The following MFSD11 variants were observed in gnomAD, a reference collection of about 807,000 sequenced individuals.
MFSD11 encodes UNC93-like protein MFSD11.
In MFSD11, 36 loss-of-function variants were observed where a neutral mutation model predicts 53.5. The ratio of observed to expected loss-of-function variants is 0.67; its 90% CI spans 0.52 to 0.89. The LOEUF (loss-of-function observed/expected upper bound fraction) is 0.89, where lower values mean the gene tolerates loss of function less well. Among genes scored for constraint, MFSD11 ranks in the 40% least tolerant of loss-of-function variants. The probability of loss-of-function intolerance (pLI) is 0.00; values close to 1 mark genes in which losing one functional copy is unlikely to be tolerated. For synonymous variants in MFSD11, 186 were observed against 184.9 expected (o/e 1.01, Z -0.05); for missense variants, 530 against 543.9 (o/e 0.97, Z 0.25).
rs908730168 is a variant in MFSD11, at chr17:76,776,042, G to C, written c.1050-364G>C. 6.6e-6 allele frequency among the ~76,000 whole-genome samples: 1 copy of C among 152,166 alleles called. No individual in the cohort carries two copies. Among genetic ancestry groups the C allele is most frequent in the Non-Finnish European group, 1.5e-5 (1 of 68,034 alleles). ...TGCCAGCCTAGAATGCAAGTGGCGT[G>C]ATCTCCGCTCACTGCAACCTCCACC... On this transcript the variant is annotated intron_variant, in intron 11 of 12. Coordinates refer to ENST00000685175, the MANE Select transcript of MFSD11 (RefSeq NM_001242532.5). The surrounding 1 kb of genome is among the most constrained non-coding windows in gnomAD (Gnocchi z 4.2).
At chr17:76,758,797 G>T (rs984117696) in intron 8 of MFSD11, among the ~76,000 whole-genome samples, 2 of 151,898 alleles carry the variant, frequency 1.3e-5, no homozygotes, top group Non-Finnish European at 2.9e-5. Context: ...AAGTATAATT[G>T]ACCCTTGAAC....
chr17:76,758,766 T>C (rs935837938), intron 8 of MFSD11, among the ~76,000 whole-genome samples: 7 of 151,928 alleles, frequency 4.6e-5, no homozygotes, highest in Non-Finnish European at 1.0e-4. Flanking sequence ...TTTACAAATA[T>C]GGAAAAAATT....
intron 7 of MFSD11, among the ~76,000 whole-genome samples, chr17:76,750,835 G>A (rs2078995349): frequency 6.9e-6 from 1 of 144,324 alleles, no homozygotes; most frequent in Admixed American, 7.0e-5. Flanking sequence ...ACGGAGTCTC[G>A]CTCTCTCACC....
At chr17:76,766,458 A>C (rs2080867828) in intron 8 of MFSD11, among the ~76,000 whole-genome samples, 1 of 151,892 alleles carries the variant, frequency 6.6e-6, no homozygotes. Flanking sequence ...AAATAAATAA[A>C]TAAAATAAAA....
the MFSD11 span, among the ~76,000 whole-genome samples, chr17:76,803,306 C>T: frequency 2.0e-5 from 3 of 152,178 alleles, no homozygotes; most frequent in Non-Finnish European, 4.4e-5. Flanking sequence ...CTTATTCATT[C>T]CTGGGCACAG....
intron 8 of MFSD11, among the ~76,000 whole-genome samples, chr17:76,761,689 G>A (rs1027756410): frequency 2.0e-5 from 3 of 151,804 alleles, no homozygotes; most frequent in Non-Finnish European, 4.4e-5. Flanking sequence ...TTGGGAGGCC[G>A]AGGCGGGCGG....
At chr17:76,745,277 A>G (rs139034405) in intron 7 of MFSD11, 1 of 152,264 alleles carries the variant, frequency 6.6e-6, no homozygotes, top group African/African-American at 2.4e-5. Flanking sequence ...GTCCAGTCAT[A>G]GGAGCATTAG....
At chr17:76,775,193 T>TA (rs1277630551) in intron 11 of MFSD11, 22 bp downstream of exon 11, 8 of 1,610,736 alleles carry the variant, frequency 5.0e-6, no homozygotes, top group Admixed American at 1.7e-5. Flanking sequence ...GTCATTTCTC[T>TA]AGTCGCTTGA....
downstream of MFSD11, among the ~76,000 whole-genome samples, chr17:76,786,154 T>TG (rs934752691): frequency 1.3e-5 from 2 of 150,060 alleles, no homozygotes; most frequent in Non-Finnish European, 3.0e-5. Flanking sequence ...ATTTTTTTTT[T>TG]TTTTTTTTGA....
At chr17:76,747,569 G>A (rs999039410) in intron 7 of MFSD11, among the ~76,000 whole-genome samples, 2 of 151,800 alleles carry the variant, frequency 1.3e-5, no homozygotes, top group South Asian at 4.2e-4. Context: ...TCCTGACCTC[G>A]TGATCCACCC....
Position 76,738,919 on chromosome 17 carries a change from A to G in MFSD11, c.97-19A>G. On this transcript the variant is annotated intron_variant, in intron 1 of 12. Transcript: ENST00000685175. ...AGACTGCAAAACATTTTCGTTGATT[A>G]GTTTTATCTTCCACACAGCAAACTG... 1 of 1,610,670 alleles carries G rather than the reference A, an allele frequency of 6.2e-7. No individual in the cohort carries two copies. The highest frequency in any genetic ancestry group is 8.5e-7 in the Non-Finnish European group (1 of 1,176,894).
chr17:76,798,232 A>G, the MFSD11 span, among the ~76,000 whole-genome samples: 1 of 152,118 alleles, frequency 6.6e-6, no homozygotes, highest in Non-Finnish European at 1.5e-5. Context: ...TGTAGAGGAT[A>G]CAACTCAAGA....
At chr17:76,773,106 A>G (rs1254931616) in intron 10 of MFSD11, 1 of 152,284 alleles carries the variant, frequency 6.6e-6, no homozygotes, top group Non-Finnish European at 1.5e-5. Flanking sequence ...CACTTTATGT[A>G]CTGATCAGTC....
chr17:76,754,136 G>C (rs538264046), intron 8 of MFSD11, 49 bp downstream of exon 8: 1 of 1,088,938 alleles, frequency 9.2e-7, no homozygotes. Flanking sequence ...GGAACAACTC[G>C]GCATTTGCCT....
At chr17:76,749,097 C>T (rs954622967) in intron 7 of MFSD11, among the ~76,000 whole-genome samples, 12 of 152,134 alleles carry the variant, frequency 7.9e-5, no homozygotes, top group African/African-American at 2.7e-4. Flanking sequence ...ATATAATTCA[C>T]CCATCTAAAG....
At chr17:76,791,480 G>A in the MFSD11 span, among the ~76,000 whole-genome samples, 35 of 148,812 alleles carry the variant, frequency 2.4e-4, 2 homozygotes, top group African/African-American at 8.3e-4. Flanking sequence ...TCACTGAACC[G>A]AAAGCAATTT....
At chr17:76,765,344 A>C (rs1245038543) in intron 8 of MFSD11, among the ~76,000 whole-genome samples, 2 of 151,974 alleles carry the variant, frequency 1.3e-5, no homozygotes, top group Non-Finnish European at 2.9e-5. Context: ...TTCTTATGCC[A>C]GTACCATGCT....
chr17:76,779,847 A>T (rs543359082), downstream of MFSD11, among the ~76,000 whole-genome samples: 1 of 152,270 alleles, frequency 6.6e-6, no homozygotes, highest in Admixed American at 6.5e-5. Context: ...AAAGACAAAC[A>T]TATTTACTGA....
At chr17:76,786,090 A>C (rs921230512), downstream of MFSD11, among the ~76,000 whole-genome samples, 17 of 151,328 alleles carry the variant, frequency 1.1e-4, no homozygotes, top group Admixed American at 6.6e-4. Context: ...AAAAAAAAAA[A>C]AACAGAGGTG....
Sources: gnomAD v4.1 joint callset for allele counts (sites outside exome capture counted in the v4.1 genomes callset) on GRCh38, gnomAD v4.1.1 for gene constraint, Gnocchi (gnomAD v3.1) non-coding constraint, MANE v1.5 for transcripts, NCBI Gene and HGNC (gene_info 2026-07-23, HGNC 2026-07-21) for gene names.